Variants in PRR16 observed in about 807,000 individuals in gnomAD.
PRR16 encodes proline rich 16, also known as protein Largen.
A neutral mutation model predicts 18.2 loss-of-function variants in PRR16; 6 were observed. The observed-to-expected ratio is 0.33, with a 90% CI of 0.18 to 0.65. The LOEUF is 0.65. Among genes scored for constraint, PRR16 ranks in the 30% least tolerant of loss-of-function variants. PRR16 has a pLI of 0.74. For missense variants in PRR16, 412 were observed against 376.6 expected (o/e 1.09, Z -0.78); for synonymous variants, 151 against 147.8 (o/e 1.02, Z -0.16).
intron 1 of PRR16, among the ~76,000 whole-genome samples, chr5:120,553,097 T>A (rs1752304883): frequency 6.6e-6 from 1 of 151,906 alleles, no homozygotes; most frequent in African/African-American, 2.4e-5. Flanking sequence ...AGGTTAGTAT[T>A]CTTGCAAAAT....
chr5:120,565,761 A>G (rs1352048041), intron 1 of PRR16, among the ~76,000 whole-genome samples: 1 of 152,246 alleles, frequency 6.6e-6, no homozygotes, highest in Non-Finnish European at 1.5e-5. Context: ...CTTAGTAATT[A>G]TCTTCTTCAA....
intron 1 of PRR16, among the ~76,000 whole-genome samples, chr5:120,635,536 G>A (rs1465190207): frequency 6.6e-6 from 1 of 152,106 alleles, no homozygotes; most frequent in Non-Finnish European, 1.5e-5. Flanking sequence ...CATCTCAGTA[G>A]ATGTATTAAA....
At chr5:120,707,573 C>T in the PRR16 span, among the ~76,000 whole-genome samples, 1 of 152,152 alleles carries the variant, frequency 6.6e-6, no homozygotes. Context: ...GCCATATAAT[C>T]TGCCTGACTG....
rs117384662 is a variant in PRR16 at position 120,497,477 on chromosome 5, G to A, written c.159+32832G>A. Among the ~76,000 whole-genome samples the A allele has an allele frequency of 6.5e-5, 9 of 138,238 alleles. No homozygotes were observed. The South Asian group carries it at 6.7e-4, about 10-fold the overall frequency. 90.7% of individuals were successfully genotyped at this position (138,238 alleles called of 152,430 possible). ...GTGATCTTGGTTCACTGCAACCTCC[G>A]TCTCCTGGTTCACACGATTCTCCTG... On this transcript the variant is annotated intron_variant, in intron 1 of 1. Coordinates refer to ENST00000407149, the MANE Select transcript of PRR16 (RefSeq NM_001300783.2).
intron 1 of PRR16, among the ~76,000 whole-genome samples, chr5:120,487,679 A>G (rs1489888125): frequency 1.3e-5 from 2 of 152,130 alleles, no homozygotes; most frequent in Non-Finnish European, 2.9e-5. Flanking sequence ...AACTTCCAAC[A>G]CTATGTTGAA....
intron 1 of PRR16, among the ~76,000 whole-genome samples, chr5:120,589,781 C>T (rs1242060364): frequency 6.6e-6 from 1 of 152,110 alleles, no homozygotes; most frequent in African/African-American, 2.4e-5. Flanking sequence ...CCAGGTCCCT[C>T]CTGCAACACG....
intron 1 of PRR16, among the ~76,000 whole-genome samples, chr5:120,471,282 T>C (rs1252967599): frequency 6.6e-6 from 1 of 152,176 alleles, no homozygotes; most frequent in Non-Finnish European, 1.5e-5. Flanking sequence ...CATAGATTTT[T>C]AATATTCTGG....
At chr5:120,652,351 AG>A (rs1580835143) in intron 1 of PRR16, among the ~76,000 whole-genome samples, 2 of 152,106 alleles carry the variant, frequency 1.3e-5, no homozygotes, top group East Asian at 3.9e-4. Flanking sequence ...GAGTCATATA[AG>A]CTTGTTACTT....
At chr5:120,567,612 C>T (rs1010902261) in intron 1 of PRR16, among the ~76,000 whole-genome samples, 15 of 152,114 alleles carry the variant, frequency 9.9e-5, no homozygotes, top group Admixed American at 2.6e-4. Flanking sequence ...ATCATGGGGG[C>T]GGATTTCCCA....
chr5:120,597,292 T>G (rs998124868), intron 1 of PRR16, among the ~76,000 whole-genome samples: 1 of 151,630 alleles, frequency 6.6e-6, no homozygotes, highest in Admixed American at 6.6e-5. Flanking sequence ...CAGTAAAAAT[T>G]TTCACCATTG....
chr5:120,730,174 T>G, the PRR16 span, among the ~76,000 whole-genome samples: 1 of 152,154 alleles, frequency 6.6e-6, no homozygotes, highest in Non-Finnish European at 1.5e-5. Context: ...GCAGTGACAA[T>G]GGAGTATTTG....
chr5:120,760,007 A>G, the PRR16 span, among the ~76,000 whole-genome samples: 1 of 152,168 alleles, frequency 6.6e-6, no homozygotes, highest in Admixed American at 6.5e-5. Flanking sequence ...AATCTAAGTC[A>G]TTTTGTATAG....
the PRR16 span, among the ~76,000 whole-genome samples, chr5:120,735,815 C>G: frequency 2.9e-4 from 44 of 152,148 alleles, 1 homozygote; most frequent in Admixed American, 2.6e-3. Context: ...TATGCAGAAG[C>G]TTTTAAATTT....
chr5:120,779,206 G>C, the PRR16 span, among the ~76,000 whole-genome samples: 1 of 152,110 alleles, frequency 6.6e-6, no homozygotes, highest in Admixed American at 6.6e-5. Context: ...CTCCAATCTG[G>C]CTGCAACAGT....
At chr5:120,629,557 G>A (rs1489772332) in intron 1 of PRR16, among the ~76,000 whole-genome samples, 3 of 151,916 alleles carry the variant, frequency 2.0e-5, no homozygotes. Context: ...AGAATCATTT[G>A]TTTTATGTTT....
intron 1 of PRR16, among the ~76,000 whole-genome samples, chr5:120,504,430 T>C (rs1348060754): frequency 2.0e-5 from 3 of 152,222 alleles, no homozygotes; most frequent in African/African-American, 7.2e-5. Flanking sequence ...GCTGATAATT[T>C]ACTGAAGAAA....
In PRR16 at chr5:120,578,722, C is replaced by A. The variant is rs1753163376; in HGVS notation, c.160-107232C>A. 2.0e-5 allele frequency among the ~76,000 whole-genome samples: 3 copies of A among 152,094 alleles called. 1 individual carries two copies. Among genetic ancestry groups the A allele is most frequent in the Admixed American group, 2.0e-4 (3 of 15,266 alleles). ...GCAGTAAACATATGTGTGCATGTGT[C>A]TTTATAGTAGAATGATTTATATTCC... is the stretch of plus-strand genomic sequence containing the variant. On this transcript the variant is annotated intron_variant, in intron 1 of 1. Coordinates refer to ENST00000407149, the MANE Select transcript of PRR16 (RefSeq NM_001300783.2).
chr5:120,709,412 C>A, the PRR16 span, among the ~76,000 whole-genome samples: 1,157 of 152,208 alleles, frequency 7.6e-3, 7 homozygotes, highest in African/African-American at 0.025. Flanking sequence ...CATTTTGATA[C>A]AAGCTTACAA....
intron 1 of PRR16, among the ~76,000 whole-genome samples, chr5:120,493,711 C>T (rs1022898468): frequency 2.0e-5 from 3 of 152,134 alleles, no homozygotes; most frequent in East Asian, 1.9e-4. Flanking sequence ...TTCCTAGCCC[C>T]GGACAATCAC....
Sources: gnomAD v4.1 joint callset for allele counts (sites outside exome capture counted in the v4.1 genomes callset) on GRCh38, gnomAD v4.1.1 for gene constraint, MANE v1.5 for transcripts, NCBI Gene and HGNC (gene_info 2026-07-23, HGNC 2026-07-21) for gene names.